The following MCTP1 variants were observed in gnomAD, a reference collection of about 807,000 sequenced individuals.
MCTP1 encodes the protein multiple C2 and transmembrane domain containing 1.
In MCTP1, 69 loss-of-function variants were observed where a neutral mutation model predicts 120.6. The observed-to-expected ratio is 0.57, with a 90% CI of 0.47 to 0.70. The LOEUF (loss-of-function observed/expected upper bound fraction) is 0.70, where lower values mean the gene tolerates loss of function less well. Ranked by LOEUF, MCTP1 falls within the 30% of genes least tolerant of loss-of-function variation. The pLI is 0.00. For synonymous variants in MCTP1, 529 were observed against 493.1 expected, an observed-to-expected ratio of 1.07 and a Z score of -0.96; for missense variants, 1,203 against 1,248.8, an observed-to-expected ratio of 0.96 and a Z score of 0.55.
At chr5:94,971,854 C>T (rs993146560) in intron 2 of MCTP1, among the ~76,000 whole-genome samples, 4 of 152,120 alleles carry the variant, frequency 2.6e-5, no homozygotes, top group Non-Finnish European at 4.4e-5. Context: ...TTTATAATCA[C>T]AGTTCATTCT....
chr5:94,720,920 T>G lies in MCTP1; in HGVS notation c.2611-6034A>C, dbSNP rs183198188. On this transcript the variant is annotated intron_variant, in intron 19 of 22. Transcript: ENST00000515393. Reference sequence around the variant, plus strand: ...TCCAATACTCACAACCATCCTACAATGTAGTTATTTTTCTCCACTCTACAG... The same window carrying G: ...TCCAATACTCACAACCATCCTACAAGGTAGTTATTTTTCTCCACTCTACAG... Among the ~76,000 whole-genome samples the G allele has an allele frequency of 3.4e-4, 52 of 152,258 alleles. 1 individual carries two copies. The East Asian group carries it at 6.8e-3, about 20-fold the overall frequency.
chr5:95,115,156 T>A lies in MCTP1; in HGVS notation c.721-97672A>T, dbSNP rs116749893. ...AACTGAAAAGTCCTCCCAAGAAGCA[T>A]GAGTATAAACAAGCCTAGACTGTGA... On this transcript the variant is annotated intron_variant, in intron 1 of 22. Coordinates refer to ENST00000515393, the MANE Select transcript of MCTP1 (RefSeq NM_024717.7). Among the ~76,000 whole-genome samples the A allele has an allele frequency of 2.0e-3, 307 of 152,112 alleles. 2 individuals are homozygous for A. Among genetic ancestry groups the A allele is most frequent in the African/African-American group, 7.0e-3 (292 of 41,510 alleles).
intron 1 of MCTP1, among the ~76,000 whole-genome samples, chr5:95,018,627 CAATAAAA>C (rs1837594351): frequency 6.6e-6 from 1 of 151,818 alleles, no homozygotes; most frequent in African/African-American, 2.4e-5. Context: ...CCTCTGGTAA[CAATAAAA>C]AAGAATTCAC....
At chr5:94,970,749 A>G (rs1581634430) in intron 2 of MCTP1, among the ~76,000 whole-genome samples, 1 of 152,072 alleles carries the variant, frequency 6.6e-6, no homozygotes, top group South Asian at 2.1e-4. Context: ...AAAAAATCAC[A>G]TCTAAAAAAT....
At chr5:94,766,526 G>T (rs1772765580) in intron 19 of MCTP1, among the ~76,000 whole-genome samples, 1 of 151,904 alleles carries the variant, frequency 6.6e-6, no homozygotes, top group Admixed American at 6.5e-5. Flanking sequence ...CTGTCATGGG[G>T]TTGGGGGAGG....
intron 17 of MCTP1, among the ~76,000 whole-genome samples, chr5:94,819,098 T>TA: frequency 7.7e-6 from 1 of 130,138 alleles, no homozygotes; most frequent in Non-Finnish European, 1.7e-5. Flanking sequence ...TTTATTTATT[T>TA]ATTTATTTAT....
chr5:94,714,733 CT>C, intron 20 of MCTP1, 43 bp downstream of exon 20: 1 of 1,160,190 alleles, frequency 8.6e-7, no homozygotes, highest in Non-Finnish European at 1.3e-6. Context: ...AAATGGACAC[CT>C]TATCCCACAG....
intron 1 of MCTP1, among the ~76,000 whole-genome samples, chr5:95,062,864 CT>C (rs1749627630): frequency 6.6e-6 from 1 of 152,044 alleles, no homozygotes; most frequent in South Asian, 2.1e-4. Flanking sequence ...GTGGCTCAGG[CT>C]GGACTGCAGT....
intron 1 of MCTP1, among the ~76,000 whole-genome samples, chr5:95,170,017 A>G (rs1450419508): frequency 6.6e-6 from 1 of 152,144 alleles, no homozygotes; most frequent in Non-Finnish European, 1.5e-5. Context: ...TGTCTATTTT[A>G]GATCTTTGCT....
At chr5:94,987,089 C>T (rs190374159) in intron 2 of MCTP1, among the ~76,000 whole-genome samples, 1 of 152,162 alleles carries the variant, frequency 6.6e-6, no homozygotes, top group African/African-American at 2.4e-5. Flanking sequence ...TTGTTATTTA[C>T]CTTTTTTTCA....
chr5:94,781,321 G>T (rs551356806), intron 18 of MCTP1, among the ~76,000 whole-genome samples: 1 of 152,194 alleles, frequency 6.6e-6, no homozygotes, highest in South Asian at 2.1e-4. Flanking sequence ...AAGGCAGGAT[G>T]GTGGTGGGCT....
At chr5:94,708,452 TAAAACCC>T in intron 22 of MCTP1, 53 bp downstream of exon 22, 1 of 1,052,460 alleles carries the variant, frequency 9.5e-7, no homozygotes, top group South Asian at 1.4e-5. Context: ...ATATAAAAGC[TAAAACCC>T]CATGCCACAC....
chr5:95,090,010 G>C (rs1321336000), intron 1 of MCTP1, among the ~76,000 whole-genome samples: 1 of 152,062 alleles, frequency 6.6e-6, no homozygotes, highest in African/African-American at 2.4e-5. Context: ...GCCCCATCTG[G>C]TTCCATCTTC....
At chr5:94,954,125 AATATATATATGCATATATATACAT>A (rs1561918362) in intron 2 of MCTP1, among the ~76,000 whole-genome samples, 4 of 72,968 alleles carry the variant, frequency 5.5e-5, no homozygotes, top group African/African-American at 2.7e-4. Context: ...TATATATACA[AATATATATATGCATATATATACAT>A]ATATATATGC....
chr5:94,873,386 A>G, intron 12 of MCTP1, 145 bp from the exon 13 acceptor site: 1 of 507,244 alleles, frequency 2.0e-6, no homozygotes, highest in Non-Finnish European at 3.4e-6. Flanking sequence ...AAAAGAAACC[A>G]CCATCAAAAT....
At chr5:95,117,141 A>G (rs1250117258) in intron 1 of MCTP1, among the ~76,000 whole-genome samples, 2 of 152,274 alleles carry the variant, frequency 1.3e-5, no homozygotes, top group African/African-American at 2.4e-5. Flanking sequence ...ATGAAAAAAA[A>G]GCTCTTTGGG....
intron 1 of MCTP1, among the ~76,000 whole-genome samples, chr5:95,104,515 A>G (rs6894476): frequency 0.6 from 91,721 of 152,038 alleles, 28,707 homozygotes; most frequent in Non-Finnish European, 0.7. Flanking sequence ...TTTAGCAGGC[A>G]TGATTACTGA....
At chr5:95,084,436 A>G (rs1323122750) in intron 1 of MCTP1, among the ~76,000 whole-genome samples, 1 of 152,030 alleles carries the variant, frequency 6.6e-6, no homozygotes, top group Non-Finnish European at 1.5e-5. Context: ...GTGAATGCCA[A>G]AGACAGAAAA....
chr5:95,069,562 G>A (rs1220051782), intron 1 of MCTP1, among the ~76,000 whole-genome samples: 1 of 151,922 alleles, frequency 6.6e-6, no homozygotes, highest in Non-Finnish European at 1.5e-5. Context: ...CTATGTATGT[G>A]TGTGAAAATA....
Sources: allele counts gnomAD v4.1 joint callset (sites outside exome capture counted in the v4.1 genomes callset), GRCh38; gene constraint gnomAD v4.1.1; transcripts MANE v1.5; gene names NCBI Gene and HGNC (gene_info 2026-07-23, HGNC 2026-07-21).